PCSK5: variants seen among roughly 807,000 people sequenced by gnomAD.
PCSK5 encodes the protein proprotein convertase subtilisin/kexin type 5.
In PCSK5, 129 loss-of-function variants were observed where a neutral mutation model predicts 233.2. That is an observed-to-expected ratio of 0.55 (90% CI 0.48 to 0.64). The LOEUF is 0.64. PCSK5 is among the 30% of genes least tolerant of loss of function. The pLI, the probability that PCSK5 is intolerant of heterozygous loss-of-function variation, is 0.00. For missense variants in PCSK5, 2,076 were observed against 2,430.1 expected, an observed-to-expected ratio of 0.85 and a Z score of 3.06; for synonymous variants, 825 against 879.2, an observed-to-expected ratio of 0.94 and a Z score of 1.09.
intron 2 of PCSK5, among the ~76,000 whole-genome samples, chr9:75,952,243 A>T (rs1290353860): frequency 3.9e-5 from 6 of 152,180 alleles, no homozygotes; most frequent in Non-Finnish European, 8.8e-5. Context: ...CTTTTAATGT[A>T]AAATTTACAT....
chr9:75,908,768 C>T (rs186712787), intron 1 of PCSK5, among the ~76,000 whole-genome samples: 2 of 152,158 alleles, frequency 1.3e-5, no homozygotes, highest in African/African-American at 4.8e-5. Context: ...CTCATTGAAC[C>T]TTGTATGCTT....
chr9:76,249,439 A>C (rs552622405), intron 24 of PCSK5, among the ~76,000 whole-genome samples: 1 of 152,188 alleles, frequency 6.6e-6, no homozygotes, highest in African/African-American at 2.4e-5. Flanking sequence ...AAATAAAGAG[A>C]TAAAACAATC....
intron 2 of PCSK5, among the ~76,000 whole-genome samples, chr9:75,969,692 A>T (rs1454351684): frequency 6.6e-6 from 1 of 152,140 alleles, no homozygotes; most frequent in Non-Finnish European, 1.5e-5. Context: ...CCATAGTCAC[A>T]TGGTGGACAT....
At chr9:75,896,429 T>G (rs1414657548) in intron 1 of PCSK5, among the ~76,000 whole-genome samples, 6 of 152,096 alleles carry the variant, frequency 3.9e-5, no homozygotes, top group African/African-American at 1.4e-4. Context: ...GGTAGTACAG[T>G]GAGAAAATTT....
intron 36 of PCSK5, among the ~76,000 whole-genome samples, chr9:76,352,600 T>G (rs543134280): frequency 2.6e-5 from 4 of 152,032 alleles, no homozygotes; most frequent in Non-Finnish European, 5.9e-5. Flanking sequence ...ACTCCTGGGC[T>G]CAAGCCATCC....
At chr9:76,064,353 C>T (rs866477110) in intron 5 of PCSK5, among the ~76,000 whole-genome samples, 4,562 of 96,932 alleles carry the variant, frequency 0.047, 64 homozygotes, top group Admixed American at 0.074. Context: ...GCTGGCCGGG[C>T]GGGGGGCTGA....
intron 17 of PCSK5, among the ~76,000 whole-genome samples, chr9:76,186,560 C>T (rs192061028): frequency 2.0e-4 from 31 of 152,282 alleles, no homozygotes; most frequent in Admixed American, 1.8e-3. Flanking sequence ...ATTAGCCTCG[C>T]AGTACCTGTA....
chr9:75,945,621 T>TTC (rs71370774), intron 2 of PCSK5, among the ~76,000 whole-genome samples: 137,354 of 152,086 alleles, frequency 0.9, 62,076 homozygotes, highest in African/African-American at 0.93. Flanking sequence ...TTTAATGACT[T>TTC]TATTGATCCT....
chr9:76,217,326 C>T (rs1161192795), intron 20 of PCSK5, among the ~76,000 whole-genome samples: 1 of 152,002 alleles, frequency 6.6e-6, no homozygotes, highest in Non-Finnish European at 1.5e-5. Flanking sequence ...TTCTAAAGGT[C>T]TCTCTGGTGT....
intron 24 of PCSK5, among the ~76,000 whole-genome samples, chr9:76,263,345 T>A (rs1020006219): frequency 2.6e-5 from 4 of 152,204 alleles, no homozygotes; most frequent in South Asian, 2.1e-4. Context: ...TTATTGCGGC[T>A]CTATTCACAA....
chr9:76,345,868 T>C (rs1178485374), intron 35 of PCSK5, among the ~76,000 whole-genome samples: 1 of 151,950 alleles, frequency 6.6e-6, no homozygotes, highest in Non-Finnish European at 1.5e-5. Context: ...TACAGGCGTG[T>C]GCCACCACGC....
At chr9:76,088,014 T>C (rs968193687) in intron 7 of PCSK5, among the ~76,000 whole-genome samples, 3 of 152,202 alleles carry the variant, frequency 2.0e-5, no homozygotes, top group Non-Finnish European at 2.9e-5. Context: ...TCATCAGCCA[T>C]CTTTTGAGTG....
intron 9 of PCSK5, among the ~76,000 whole-genome samples, chr9:76,133,348 G>C (rs1388196870): frequency 6.6e-6 from 1 of 152,032 alleles, no homozygotes; most frequent in African/African-American, 2.4e-5. Context: ...AAGTCTGTTT[G>C]TATGTGCTTG....
chr9:75,908,941 GTCTATCTA>G (rs58082978), intron 1 of PCSK5, among the ~76,000 whole-genome samples: 1,212 of 116,514 alleles, frequency 0.01, 10 homozygotes, highest in South Asian at 0.013. Flanking sequence ...CTCTCTCTCT[GTCTATCTA>G]TCTATCTATC....
At chr9:76,278,835 G>A (rs1827773897) in intron 24 of PCSK5, among the ~76,000 whole-genome samples, 1 of 152,040 alleles carries the variant, frequency 6.6e-6, no homozygotes, top group Non-Finnish European at 1.5e-5. Context: ...AAATTTCAAT[G>A]TCTATTAGCC....
At chr9:75,951,812 A>G (rs1421327127) in intron 2 of PCSK5, among the ~76,000 whole-genome samples, 2 of 152,228 alleles carry the variant, frequency 1.3e-5, no homozygotes, top group South Asian at 4.1e-4. Flanking sequence ...GGGCATTTAC[A>G]TTGTATTAGG....
At chr9:75,921,552 GCTCT>G (rs1430738563) in intron 1 of PCSK5, among the ~76,000 whole-genome samples, 4 of 151,744 alleles carry the variant, frequency 2.6e-5, no homozygotes, top group East Asian at 1.9e-4. Context: ...CCTCTCTTGG[GCTCT>G]CTATTTCGTT....
chr9:76,255,467 G>T (rs376774080), intron 24 of PCSK5, among the ~76,000 whole-genome samples: 1 of 152,162 alleles, frequency 6.6e-6, no homozygotes, highest in South Asian at 2.1e-4. Flanking sequence ...GTATTGTTCA[G>T]CTAGGTGGAC....
At chr9:75,955,665 A>G (rs919018524) in intron 2 of PCSK5, among the ~76,000 whole-genome samples, 5 of 151,258 alleles carry the variant, frequency 3.3e-5, no homozygotes, top group Non-Finnish European at 4.4e-5. Context: ...TGTTCCTATT[A>G]TTGTCCCCTT....
Sources: allele counts gnomAD v4.1 joint callset (sites outside exome capture counted in the v4.1 genomes callset), GRCh38; gene constraint gnomAD v4.1.1; transcripts MANE v1.5; gene names NCBI Gene and HGNC (gene_info 2026-07-23, HGNC 2026-07-21).